SKAP1: variants seen among roughly 807,000 people sequenced by gnomAD.
The protein encoded by SKAP1 is src kinase associated phosphoprotein 1, also known as src kinase-associated phosphoprotein 1.
A neutral mutation model predicts 58.5 loss-of-function variants in SKAP1; 44 were observed. The observed-to-expected ratio is 0.75, with a 90% confidence interval of 0.59 to 0.97. The LOEUF is 0.97. Ranked by LOEUF, SKAP1 falls within the 50% of genes least tolerant of loss-of-function variation. The pLI is 0.00. For synonymous variants in SKAP1, 127 were observed against 149.7 expected (o/e 0.85, Z 1.11); for missense variants, 390 against 435.2 (o/e 0.90, Z 0.92).
chr17:48,285,076 T>G (rs1198539872), intron 4 of SKAP1, among the ~76,000 whole-genome samples: 1 of 152,212 alleles, frequency 6.6e-6, no homozygotes, highest in Non-Finnish European at 1.5e-5. Context: ...CCATGTTTTA[T>G]GATTTTGGTG....
At chr17:48,150,449 G>A (rs1252795373) in intron 11 of SKAP1, among the ~76,000 whole-genome samples, 1 of 152,206 alleles carries the variant, frequency 6.6e-6, no homozygotes, top group Non-Finnish European at 1.5e-5. Flanking sequence ...TGGTTACAAT[G>A]TTTCAAAAGG....
intron 9 of SKAP1, among the ~76,000 whole-genome samples, chr17:48,176,271 A>G (rs1444287762): frequency 6.6e-6 from 1 of 152,206 alleles, no homozygotes; most frequent in African/African-American, 2.4e-5. Flanking sequence ...GAACACAGCC[A>G]GATTCCGTTG....
intron 4 of SKAP1, among the ~76,000 whole-genome samples, chr17:48,269,329 T>C (rs2065597188): frequency 6.6e-6 from 1 of 152,008 alleles, no homozygotes. Flanking sequence ...AAAAATAACT[T>C]CTGTGTGTAA....
At chr17:48,311,189 C>T (rs2066220027) in intron 4 of SKAP1, among the ~76,000 whole-genome samples, 1 of 152,182 alleles carries the variant, frequency 6.6e-6, no homozygotes, top group African/African-American at 2.4e-5. Context: ...ACCCAACTCA[C>T]TGCAAACGAC....
intron 4 of SKAP1, among the ~76,000 whole-genome samples, chr17:48,190,940 G>T (rs190369292): frequency 2.0e-5 from 3 of 152,198 alleles, no homozygotes; most frequent in Non-Finnish European, 4.4e-5. Context: ...AGCCGAGATC[G>T]TGCCATTTCA....
chr17:48,137,592 A>AT (rs972007460), intron 11 of SKAP1, among the ~76,000 whole-genome samples: 24 of 151,700 alleles, frequency 1.6e-4, no homozygotes, highest in South Asian at 1.0e-3. Context: ...CCTGAAGAGC[A>AT]TTTTTTTTTA....
intron 1 of SKAP1, among the ~76,000 whole-genome samples, chr17:48,410,195 T>C (rs1044775557): frequency 2.0e-5 from 3 of 152,078 alleles, no homozygotes; most frequent in Non-Finnish European, 2.9e-5. Flanking sequence ...TTTCTCACTG[T>C]TGGAGTGGAA....
intron 4 of SKAP1, among the ~76,000 whole-genome samples, chr17:48,309,600 T>C (rs2066195697): frequency 6.6e-6 from 1 of 152,146 alleles, no homozygotes; most frequent in Non-Finnish European, 1.5e-5. Flanking sequence ...TTGGTATATA[T>C]ATACATATAT....
chr17:48,233,184 G>A (rs1184554946), intron 4 of SKAP1, among the ~76,000 whole-genome samples: 1 of 152,118 alleles, frequency 6.6e-6, no homozygotes, highest in Non-Finnish European at 1.5e-5. Context: ...TGGCAGTTGT[G>A]GCTAATGGGT....
At chr17:48,316,452 T>G (rs2066288509) in intron 4 of SKAP1, among the ~76,000 whole-genome samples, 1 of 152,180 alleles carries the variant, frequency 6.6e-6, no homozygotes, top group South Asian at 2.1e-4. Flanking sequence ...AGAGGCCTCC[T>G]CTGATCACCC....
intron 11 of SKAP1, among the ~76,000 whole-genome samples, chr17:48,153,253 G>A (rs1302496936): frequency 1.3e-5 from 2 of 152,130 alleles, no homozygotes; most frequent in African/African-American, 4.8e-5. Flanking sequence ...AGGTTTACAT[G>A]CATGCATATG....
At chr17:48,188,493 C>A (rs1486134455) in intron 5 of SKAP1, among the ~76,000 whole-genome samples, 1 of 152,008 alleles carries the variant, frequency 6.6e-6, no homozygotes, top group Non-Finnish European at 1.5e-5. Context: ...TTGAGACCAG[C>A]CTGGGCAACA....
chr17:48,408,410 C>T (rs1030585035), intron 1 of SKAP1, among the ~76,000 whole-genome samples: 4 of 151,960 alleles, frequency 2.6e-5, no homozygotes, highest in East Asian at 1.9e-4. Context: ...ATAAATAATT[C>T]TCATTCTATA....
At chr17:48,425,889 A>T (rs574764932) in intron 1 of SKAP1, among the ~76,000 whole-genome samples, 1 of 152,334 alleles carries the variant, frequency 6.6e-6, no homozygotes, top group East Asian at 1.9e-4. Flanking sequence ...TAAACAATAT[A>T]TTACCATAAA....
intron 11 of SKAP1, among the ~76,000 whole-genome samples, chr17:48,145,831 G>A (rs1208838167): frequency 6.6e-6 from 1 of 152,174 alleles, no homozygotes; most frequent in Non-Finnish European, 1.5e-5. Flanking sequence ...GTCTTGGGAT[G>A]AGAATTCAAT....
chr17:48,208,412 C>G (rs1475611695), intron 4 of SKAP1, among the ~76,000 whole-genome samples: 3 of 152,180 alleles, frequency 2.0e-5, no homozygotes, highest in African/African-American at 7.2e-5. Context: ...AATCAGCTTT[C>G]CCCTTGAAGA....
Position 48,424,986 on chromosome 17 carries a change from G to A in SKAP1, c.46+5089C>T, listed in dbSNP as rs570278428. Among the ~76,000 whole-genome samples, 16 of 147,210 alleles carry A rather than the reference G, an allele frequency of 1.1e-4. No individual in the cohort carries two copies. In the East Asian group the frequency reaches 1.2e-3, roughly 11 times the overall value. ...ATGAAAACCCTCAGTAAGGCCAGGC[G>A]GGGTGACTCATGCCTGTAATCCCAG... On this transcript the variant is annotated intron_variant, in intron 1 of 12. Transcript: ENST00000336915.
rs562668681 is a variant in SKAP1 at position 48,211,288 on chromosome 17, T to A, written c.281-21788A>T. Among the ~76,000 whole-genome samples the A allele has an allele frequency of 2.3e-3, 354 of 151,772 alleles. 6 individuals are homozygous for A. The highest frequency in any genetic ancestry group is 7.2e-3 in the African/African-American group (296 of 41,368). ...GAGACCCCACCTCTATTAAAAAAAATTTTTTTTTAATAGAAGTTATGAGTT... is the reference window on the plus strand; with the variant it reads ...GAGACCCCACCTCTATTAAAAAAAAATTTTTTTTAATAGAAGTTATGAGTT... On this transcript the variant is annotated intron_variant, in intron 4 of 12. Transcript: ENST00000336915.
At chr17:48,223,642 A>T (rs1442860909) in intron 4 of SKAP1, among the ~76,000 whole-genome samples, 8 of 152,232 alleles carry the variant, frequency 5.3e-5, no homozygotes, top group Non-Finnish European at 1.2e-4. Flanking sequence ...AATTTCCATC[A>T]ATCAAGTCTA....
Sources: allele counts gnomAD v4.1 joint callset (sites outside exome capture counted in the v4.1 genomes callset), GRCh38; gene constraint gnomAD v4.1.1; transcripts MANE v1.5; gene names NCBI Gene and HGNC (gene_info 2026-07-23, HGNC 2026-07-21).